The following EFR3A variants were observed in gnomAD, a reference collection of about 807,000 sequenced individuals.
The protein encoded by EFR3A is protein EFR3 homolog A.
A neutral mutation model predicts 104.4 loss-of-function variants in EFR3A; 76 were observed. The observed-to-expected ratio is 0.73, with a 90% CI of 0.60 to 0.88. The LOEUF (loss-of-function observed/expected upper bound fraction) is 0.88. EFR3A is among the 40% of genes least tolerant of loss of function. EFR3A has a pLI of 0.00. For missense variants in EFR3A, 985 were observed against 1,012.5 expected, an observed-to-expected ratio of 0.97 and a Z score of 0.37; for synonymous variants, 330 against 330.0, an observed-to-expected ratio of 1.00 and a Z score of 0.00.
intron 14 of EFR3A, among the ~76,000 whole-genome samples, chr8:131,982,461 T>C (rs1298559697): frequency 6.6e-6 from 1 of 152,110 alleles, no homozygotes; most frequent in Non-Finnish European, 1.5e-5. Flanking sequence ...TGTACACATG[T>C]TGTGCTGTAT....
At chr8:131,941,410 C>T (rs1446249786) in intron 2 of EFR3A, among the ~76,000 whole-genome samples, 1 of 151,964 alleles carries the variant, frequency 6.6e-6, no homozygotes, top group Non-Finnish European at 1.5e-5. Flanking sequence ...CTGTATAAAG[C>T]TTTTGATTAT....
intron 18 of EFR3A, among the ~76,000 whole-genome samples, chr8:131,996,104 T>G (rs1743503913): frequency 1.3e-5 from 2 of 152,162 alleles, no homozygotes; most frequent in South Asian, 4.1e-4. Context: ...TTACATTGAC[T>G]TGCTTTTTTT....
At chr8:131,946,416 A>G (rs777294147) in intron 3 of EFR3A, 67 bp from the exon 4 acceptor site, 108 of 1,365,920 alleles carry the variant, frequency 7.9e-5, no homozygotes, top group Non-Finnish European at 8.7e-5. Context: ...AGTTCTTCCA[A>G]TGTAAAGCAC....
intron 1 of EFR3A, among the ~76,000 whole-genome samples, chr8:131,926,945 C>T (rs1817329266): frequency 6.6e-6 from 1 of 151,998 alleles, no homozygotes; most frequent in Non-Finnish European, 1.5e-5. Context: ...CTTCACATTT[C>T]CAAGGTTGCA....
At chr8:132,008,316 T>TA (rs1232415696) in intron 22 of EFR3A, among the ~76,000 whole-genome samples, 3 of 152,176 alleles carry the variant, frequency 2.0e-5, no homozygotes, top group African/African-American at 7.2e-5. Flanking sequence ...AATCATTCGT[T>TA]AACAAGGAAA....
At chr8:131,932,097 T>G (rs974300574) in intron 1 of EFR3A, among the ~76,000 whole-genome samples, 1 of 152,136 alleles carries the variant, frequency 6.6e-6, no homozygotes, top group Non-Finnish European at 1.5e-5. Context: ...CTTCACATAT[T>G]CTTGCCACAA....
chr8:132,005,514 A>G (rs1346788702), intron 22 of EFR3A, among the ~76,000 whole-genome samples: 2 of 151,920 alleles, frequency 1.3e-5, no homozygotes, highest in African/African-American at 4.8e-5. Flanking sequence ...GAATTAGTAG[A>G]AAAGGCCCTT....
chr8:132,005,151 G>A (rs1024278717), intron 22 of EFR3A, among the ~76,000 whole-genome samples: 1 of 152,124 alleles, frequency 6.6e-6, no homozygotes, highest in Non-Finnish European at 1.5e-5. Flanking sequence ...TTTGTAAACA[G>A]ACATACATGG....
At chr8:131,979,213 T>C (rs1820476776) in intron 13 of EFR3A, 133 bp from the exon 14 acceptor site, 4 of 945,398 alleles carry the variant, frequency 4.2e-6, no homozygotes, top group Non-Finnish European at 6.2e-6. Context: ...TATGTACTCT[T>C]CAGAAGCAAT....
At chr8:131,957,583 C>T (rs913403093) in intron 7 of EFR3A, among the ~76,000 whole-genome samples, 2 of 152,114 alleles carry the variant, frequency 1.3e-5, no homozygotes, top group Non-Finnish European at 2.9e-5. Flanking sequence ...CTCCCAACCT[C>T]AGGTGATCTG....
Position 131,984,320 on chromosome 8 carries a change from C to A in EFR3A, c.1737+20C>A. ...TTACAGGTATGCTTTCATAACCGTT[C>A]ACTGCAGAAAACATTTTTTATAAAG... On this transcript the variant is annotated intron_variant, in intron 15 of 22. Transcript: ENST00000254624. 1 of 1,512,616 alleles carries A rather than the reference C, an allele frequency of 6.6e-7. No individual in the cohort carries two copies. Among genetic ancestry groups the A allele is most frequent in the Non-Finnish European group, 8.8e-7 (1 of 1,131,710 alleles). 93.7% of individuals were successfully genotyped at this position (1,512,616 alleles called of 1,614,324 possible).
chr8:131,908,505 G>A (rs1816361428), intron 1 of EFR3A, among the ~76,000 whole-genome samples: 1 of 152,174 alleles, frequency 6.6e-6, no homozygotes, highest in East Asian at 1.9e-4. Flanking sequence ...TACTGATTGT[G>A]TGGTAGGCAG....
At chr8:131,913,552 G>A (rs542902398) in intron 1 of EFR3A, among the ~76,000 whole-genome samples, 4 of 151,938 alleles carry the variant, frequency 2.6e-5, no homozygotes, top group Non-Finnish European at 4.4e-5. Flanking sequence ...TCTTTAAGAG[G>A]AATTCTGTCC....
chr8:132,010,672 A>G, intron 22 of EFR3A, 118 bp from the exon 23 acceptor site: 1 of 1,243,660 alleles, frequency 8.0e-7, no homozygotes, highest in Non-Finnish European at 1.1e-6. Flanking sequence ...CTACAATGGC[A>G]TTGATCACTG....
At chr8:131,950,133 A>T in intron 5 of EFR3A, 43 bp downstream of exon 5, 2 of 1,526,330 alleles carry the variant, frequency 1.3e-6, no homozygotes, top group South Asian at 2.4e-5. Context: ...AGTAATTTAG[A>T]GATTAATATT....
At chr8:131,974,739 G>A (rs963411472) in intron 10 of EFR3A, among the ~76,000 whole-genome samples, 7 of 152,166 alleles carry the variant, frequency 4.6e-5, no homozygotes, top group Non-Finnish European at 8.8e-5. Context: ...TGGAGATGGA[G>A]TCATGTTAAG....
chr8:131,949,946 A>G (rs890091972), intron 4 of EFR3A, 23 bp from the exon 5 acceptor site: 1 of 1,560,228 alleles, frequency 6.4e-7, no homozygotes. Flanking sequence ...GGTGAAGTAT[A>G]TTATATTATT....
At chr8:131,930,599 CA>C (rs1817546792) in intron 1 of EFR3A, among the ~76,000 whole-genome samples, 1 of 151,974 alleles carries the variant, frequency 6.6e-6, no homozygotes, top group South Asian at 2.1e-4. Context: ...ACCATTTAGT[CA>C]TGATTTATTT....
chr8:131,999,700 T>TA lies in EFR3A; in HGVS notation c.2158-2046dup, dbSNP rs200463770. Among the ~76,000 whole-genome samples the TA allele has an allele frequency of 9.1e-3, 1,293 of 141,340 alleles. 5 individuals are homozygous for TA. The highest frequency in any genetic ancestry group is 1.0e-2 in the Non-Finnish European group (642 of 64,246). 92.7% of individuals were successfully genotyped at this position (141,340 alleles called of 152,430 possible). A position where few individuals can be genotyped will look rare whatever the true frequency, so the allele number is the denominator to read the frequency against. On this transcript the variant is annotated intron_variant, in intron 19 of 22. Coordinates refer to ENST00000254624, the MANE Select transcript of EFR3A (RefSeq NM_015137.6). ...AATGCTAGTATAAAGCAGTTAGTCT[T>TA]AAAAAAAAAAAAAGATCCACAAAAG... is the stretch of plus-strand genomic sequence containing the variant.
Sources: allele counts gnomAD v4.1 joint callset (sites outside exome capture counted in the v4.1 genomes callset), GRCh38; gene constraint gnomAD v4.1.1; transcripts MANE v1.5; gene names NCBI Gene and HGNC (gene_info 2026-07-23, HGNC 2026-07-21).